The following ESRRG variants were observed in gnomAD, a reference collection of about 807,000 sequenced individuals.
The protein encoded by ESRRG is estrogen related receptor gamma, also known as estrogen-related receptor gamma.
ESRRG carries 13 observed loss-of-function variants against 44.0 expected under a neutral mutation model. The ratio of observed to expected loss-of-function variants is 0.30; its 90% CI spans 0.19 to 0.47. The LOEUF is 0.47. Among genes scored for constraint, ESRRG ranks in the 20% least tolerant of loss-of-function variants. The pLI is 1.00. For synonymous variants in ESRRG, 215 were observed against 214.6 expected (o/e 1.00, Z -0.02); for missense variants, 395 against 580.6 (o/e 0.68, Z 3.29).
chr1:216,797,142 G>A (rs2094493104), intron 2 of ESRRG, among the ~76,000 whole-genome samples: 1 of 152,038 alleles, frequency 6.6e-6, no homozygotes, highest in African/African-American at 2.4e-5. Context: ...CACCTGCCTT[G>A]GCCTTTCAAA....
intron 3 of ESRRG, among the ~76,000 whole-genome samples, chr1:216,586,341 C>A (rs1398313855): frequency 1.3e-5 from 2 of 151,998 alleles, no homozygotes; most frequent in Non-Finnish European, 1.5e-5. Context: ...AAGAAATCAT[C>A]GTCATAGATG....
intron 1 of ESRRG, among the ~76,000 whole-genome samples, chr1:217,057,929 C>A (rs181309651): frequency 1.6e-4 from 24 of 152,028 alleles, no homozygotes; most frequent in African/African-American, 5.1e-4. Context: ...AGATTGGACA[C>A]CACTGAATTA....
chr1:216,812,018 G>T (rs931203057), intron 2 of ESRRG, among the ~76,000 whole-genome samples: 1 of 152,134 alleles, frequency 6.6e-6, no homozygotes, highest in African/African-American at 2.4e-5. Flanking sequence ...AATCAGGGAG[G>T]TCATTAAAAC....
chr1:216,534,289 A>T (rs1225085232), intron 5 of ESRRG, among the ~76,000 whole-genome samples: 2 of 152,124 alleles, frequency 1.3e-5, no homozygotes, highest in Non-Finnish European at 2.9e-5. Context: ...AAATGAGAGA[A>T]GGAAAGGGTG....
chr1:217,098,084 G>A (rs1580567501), intron 1 of ESRRG, among the ~76,000 whole-genome samples: 2 of 152,282 alleles, frequency 1.3e-5, no homozygotes, highest in Non-Finnish European at 2.9e-5. Context: ...AAATGGGCCT[G>A]TGGCCAGTTA....
chr1:217,072,729 G>A (rs2090722656), intron 1 of ESRRG, among the ~76,000 whole-genome samples: 1 of 151,916 alleles, frequency 6.6e-6, no homozygotes. Context: ...CCTATGACAC[G>A]AGCTGTCTCT....
At chr1:216,891,015 T>C (rs1179498913) in intron 2 of ESRRG, among the ~76,000 whole-genome samples, 2 of 152,040 alleles carry the variant, frequency 1.3e-5, no homozygotes, top group Admixed American at 6.6e-5. Context: ...AGCTAACATA[T>C]GGGTATCAAG....
chr1:216,860,074 G>C (rs1229462574), intron 2 of ESRRG, among the ~76,000 whole-genome samples: 1 of 152,116 alleles, frequency 6.6e-6, no homozygotes, highest in Non-Finnish European at 1.5e-5. Flanking sequence ...GACCAGCCTG[G>C]CCAACAGGGT....
intron 2 of ESRRG, among the ~76,000 whole-genome samples, chr1:216,927,070 T>C (rs1424332204): frequency 6.6e-6 from 1 of 152,206 alleles, no homozygotes; most frequent in Non-Finnish European, 1.5e-5. Flanking sequence ...GGCAACTGCT[T>C]CTTTTTAATT....
intron 5 of ESRRG, among the ~76,000 whole-genome samples, chr1:216,559,461 A>G (rs1051458713): frequency 6.6e-6 from 1 of 152,254 alleles, no homozygotes; most frequent in Non-Finnish European, 1.5e-5. Flanking sequence ...ATTTTTAGTC[A>G]ACAAATCAAT....
chr1:217,016,348 C>T (rs932442515), intron 1 of ESRRG, among the ~76,000 whole-genome samples: 1 of 151,934 alleles, frequency 6.6e-6, no homozygotes, highest in Admixed American at 6.6e-5. Flanking sequence ...GAATTTGGCT[C>T]TCATGTGATC....
chr1:216,619,797 A>C (rs2061936504), intron 3 of ESRRG, among the ~76,000 whole-genome samples: 1 of 152,170 alleles, frequency 6.6e-6, no homozygotes, highest in Admixed American at 6.5e-5. Context: ...TAACTGAATA[A>C]TCCACGGAGT....
chr1:216,708,827 A>G (rs888356267), intron 1 of ESRRG, among the ~76,000 whole-genome samples: 1 of 152,206 alleles, frequency 6.6e-6, no homozygotes, highest in Non-Finnish European at 1.5e-5. Context: ...ATGCCCTTCA[A>G]TGATAGACTG....
chr1:216,724,755 T>G (rs2087136269), upstream of ESRRG, among the ~76,000 whole-genome samples: 1 of 152,182 alleles, frequency 6.6e-6, no homozygotes. Context: ...GTCTTTAATT[T>G]CCATATAACA....
intron 1 of ESRRG, among the ~76,000 whole-genome samples, chr1:217,121,187 C>A (rs905673048): frequency 2.1e-4 from 32 of 151,654 alleles, no homozygotes; most frequent in Non-Finnish European, 4.4e-4. Context: ...TGAGCAGATA[C>A]AAAAAGAAAT....
chr1:216,760,909 G>A (rs753125694), intron 2 of ESRRG, among the ~76,000 whole-genome samples: 21 of 152,052 alleles, frequency 1.4e-4, no homozygotes, highest in African/African-American at 1.9e-4. Flanking sequence ...TGTATAAGCA[G>A]AGGAATAGAA....
intron 5 of ESRRG, among the ~76,000 whole-genome samples, chr1:216,530,905 T>C (rs1457421942): frequency 6.6e-6 from 1 of 152,128 alleles, no homozygotes; most frequent in Non-Finnish European, 1.5e-5. Context: ...GTCTTACTAT[T>C]ACTAGTTACA....
chr1:216,894,680 G>A (rs1207589295), intron 2 of ESRRG, among the ~76,000 whole-genome samples: 1 of 152,118 alleles, frequency 6.6e-6, no homozygotes. Flanking sequence ...TGGGGAGGGA[G>A]GAGGAAGAGA....
At chr1:216,928,632 C>T (rs2062900337) in intron 2 of ESRRG, among the ~76,000 whole-genome samples, 1 of 152,144 alleles carries the variant, frequency 6.6e-6, no homozygotes, top group Admixed American at 6.6e-5. Context: ...CTGACCATCA[C>T]CCAGGTTACT....
Sources: gnomAD v4.1 joint callset for allele counts (sites outside exome capture counted in the v4.1 genomes callset) on GRCh38, gnomAD v4.1.1 for gene constraint, MANE v1.5 for transcripts, NCBI Gene and HGNC (gene_info 2026-07-23, HGNC 2026-07-21) for gene names.